PPFIA1: variants seen among roughly 807,000 people sequenced by gnomAD.
PPFIA1 encodes the protein liprin-alpha-1.
Under a neutral mutation model 149.9 loss-of-function variants are expected in PPFIA1, and 25 were observed. The ratio of observed to expected loss-of-function variants is 0.17; its 90% CI spans 0.12 to 0.23. PPFIA1 has a LOEUF of 0.23. PPFIA1 is among the 10% of genes least tolerant of loss of function. The pLI, the probability that PPFIA1 is intolerant of heterozygous loss-of-function variation, is 1.00. For synonymous variants in PPFIA1, 549 were observed against 552.8 expected (o/e 0.99, Z 0.10); for missense variants, 1,362 against 1,506.5 (o/e 0.90, Z 1.59).
chr11:70,278,978 A>T (rs761776272), intron 2 of PPFIA1: 40 of 598,710 alleles, frequency 6.7e-5, no homozygotes, highest in Non-Finnish European at 1.1e-4. Context: ...TGACACCTTT[A>T]CCAGCAATTG....
Position 70,362,502 on chromosome 11 carries a change from C to G in PPFIA1, c.2865+14C>G. The G allele has an allele frequency of 6.4e-7, 1 of 1,573,252 alleles. No homozygotes were observed. Among genetic ancestry groups the G allele is most frequent in the Non-Finnish European group, 8.6e-7 (1 of 1,157,654 alleles). On this transcript the variant is annotated intron_variant, in intron 21 of 27. Transcript: ENST00000253925. Reference sequence around the variant, plus strand: ...ACATCTAGAACGGTACGTTCAGAGACAACCCCTGCATTCTTTGGAAACAGG... The same window carrying G: ...ACATCTAGAACGGTACGTTCAGAGAGAACCCCTGCATTCTTTGGAAACAGG...
At chr11:70,273,201 C>T (rs897243762) in intron 2 of PPFIA1, among the ~76,000 whole-genome samples, 2 of 151,818 alleles carry the variant, frequency 1.3e-5, no homozygotes, top group African/African-American at 2.4e-5. Flanking sequence ...CACTTGAACC[C>T]GGGAGGTGGA....
chr11:70,271,393 C>T (rs1214271210), intron 1 of PPFIA1: 4 of 152,284 alleles, frequency 2.6e-5, no homozygotes, highest in African/African-American at 9.6e-5. Context: ...TCAGAAGCGA[C>T]TTCCCCTTTC....
intron 2 of PPFIA1, among the ~76,000 whole-genome samples, chr11:70,323,790 G>A (rs1422063014): frequency 6.6e-6 from 1 of 152,212 alleles, no homozygotes; most frequent in African/African-American, 2.4e-5. Context: ...ATTACCCACA[G>A]TAGGGATTCT....
At chr11:70,290,604 G>A (rs577177253) in intron 2 of PPFIA1, among the ~76,000 whole-genome samples, 1 of 152,200 alleles carries the variant, frequency 6.6e-6, no homozygotes, top group Non-Finnish European at 1.5e-5. Context: ...GGCAGGGGAG[G>A]TCCAACCATG....
chr11:70,272,467 T>G, intron 2 of PPFIA1, 31 bp downstream of exon 2: 3 of 1,553,016 alleles, frequency 1.9e-6, no homozygotes, highest in Non-Finnish European at 2.6e-6. Flanking sequence ...AAACTATAGA[T>G]TTTTCTCCAC....
intron 19 of PPFIA1, among the ~76,000 whole-genome samples, chr11:70,357,587 AT>A (rs879479086): frequency 0.14 from 19,628 of 142,196 alleles, 1,259 homozygotes; most frequent in Admixed American, 0.18. Flanking sequence ...CTGTGTAAGA[AT>A]TTTTTTTTTT....
chr11:70,354,507 G>A, intron 17 of PPFIA1, 55 bp downstream of exon 17: 1 of 1,526,632 alleles, frequency 6.6e-7, no homozygotes, highest in Non-Finnish European at 8.8e-7. Context: ...CGTTTCTGGT[G>A]TTGAGAAATC....
In PPFIA1 at chr11:70,354,343, A is replaced by G. The variant is rs769246589; in HGVS notation, c.2206A>G (p.Ile736Val). The G allele has an allele frequency of 5.0e-6, 8 of 1,614,116 alleles. No homozygotes were observed. The highest frequency in any genetic ancestry group is 6.8e-6 in the Non-Finnish European group (8 of 1,180,028). The change falls in exon 17 of 28, where the codon ATA (isoleucine) becomes GTA (valine). Residue 736 changes from isoleucine (I) to valine (V), a missense_variant. Coordinates refer to ENST00000253925, the MANE Select transcript of PPFIA1 (RefSeq NM_003626.5). Reference protein sequence around the residue: ...REEVRDDKTTIKCETSPPSSP... With the variant: ...REEVRDDKTTVKCETSPPSSP... The stretch of plus-strand genomic sequence containing the variant: ...AGAGGTACGAGATGACAAGACAACC[A>G]TAAAGTGTGAAACCTCCCCGCCTTC...
In PPFIA1 at chr11:70,376,590, G is replaced by A. The variant is rs995953384; in HGVS notation, c.3374G>A (p.Arg1125Lys). 28 of 1,612,964 alleles carry A rather than the reference G, an allele frequency of 1.7e-5. No homozygotes were observed. In the Admixed American group the frequency reaches 2.8e-4, roughly 16 times the overall value. Reference sequence around the variant, plus strand: ...CTTTTGGTCATGGGGACTGATAGAAGGTTTGATGAAGTAAGTTTTTGGCCT... The same window carrying A: ...CTTTTGGTCATGGGGACTGATAGAAAGTTTGATGAAGTAAGTTTTTGGCCT... ...NNLLVMGTDR[R>K]FDEDDDKSFR... is the part of the protein sequence containing the mutation. Residue 1125 changes from arginine to lysine, a missense_variant, in exon 25 of 28, where the codon AGG (arginine) becomes AAG (lysine). Arg to Lys is a conservative substitution (Grantham distance 26). Around this residue, in one of 7 missense-constraint regions of PPFIA1, gnomAD observed 349 missense variants for 373.3 expected, o/e 0.93. Coordinates refer to ENST00000253925, the MANE Select transcript of PPFIA1 (RefSeq NM_003626.5).
At chr11:70,365,853 C>T in intron 21 of PPFIA1, 1 of 429,388 alleles carries the variant, frequency 2.3e-6, no homozygotes, top group Non-Finnish European at 4.6e-6. Context: ...GAAGCTGCAT[C>T]TTCCCTGCAG....
At position 70,335,703 on chromosome 11, in the gene PPFIA1, G is replaced by T. The variant is rs1401229926; in HGVS notation, c.1428+9G>T. 1 of 1,613,512 alleles carries T rather than the reference G, an allele frequency of 6.2e-7. No homozygotes were observed. Among genetic ancestry groups the T allele is most frequent in the Non-Finnish European group, 8.5e-7 (1 of 1,179,676 alleles). ...CTGCTTTGGAAGATAAGGTAAGTTA[G>T]ATAACACGGACATGCTGGAGCTTTC... On this transcript the variant is annotated intron_variant, in intron 11 of 27. Coordinates refer to ENST00000253925, the MANE Select transcript of PPFIA1 (RefSeq NM_003626.5).
Position 70,343,734 on chromosome 11 carries a change from A to G in PPFIA1, c.1773A>G (p.Ala591=). The G allele has an allele frequency of 6.2e-7, 1 of 1,614,256 alleles. No homozygotes were observed. The highest frequency in any genetic ancestry group is 8.5e-7 in the Non-Finnish European group (1 of 1,180,044). ...AAGCTAGTGTCTTGGCAAATGTAGCACAAGCATTCGAGAGTGATGCTGACG... is the reference window on the plus strand; with the variant it reads ...AAGCTAGTGTCTTGGCAAATGTAGCGCAAGCATTCGAGAGTGATGCTGACG... The part of the protein sequence containing the change: ...AQQASVLANV[A]QAFESDADVS... Residue 591 remains alanine (A), a synonymous_variant, in exon 15 of 28, where the codon GCA becomes GCG. Coordinates refer to ENST00000253925, the MANE Select transcript of PPFIA1 (RefSeq NM_003626.5).
At chr11:70,320,462 G>A (rs1480810091) in intron 2 of PPFIA1, among the ~76,000 whole-genome samples, 5 of 139,628 alleles carry the variant, frequency 3.6e-5, no homozygotes, top group South Asian at 4.4e-4. Context: ...TTTTTGAGAC[G>A]CTCTCGTCAC....
intron 2 of PPFIA1, among the ~76,000 whole-genome samples, chr11:70,311,595 T>A (rs1187206828): frequency 6.6e-6 from 1 of 152,154 alleles, no homozygotes; most frequent in African/African-American, 2.4e-5. Flanking sequence ...TGGAAGGGGC[T>A]GCGGGACACC....
At chr11:70,298,058 C>G (rs991617013) in intron 2 of PPFIA1, among the ~76,000 whole-genome samples, 1 of 152,216 alleles carries the variant, frequency 6.6e-6, no homozygotes, top group Non-Finnish European at 1.5e-5. Context: ...CCATGTGATT[C>G]TCTCCTCTCT....
chr11:70,347,659 T>C (rs1434714072), intron 15 of PPFIA1, among the ~76,000 whole-genome samples: 2 of 152,136 alleles, frequency 1.3e-5, no homozygotes, highest in Non-Finnish European at 2.9e-5. Flanking sequence ...TGAGCTGTGA[T>C]CATGCTACTG....
intron 2 of PPFIA1, among the ~76,000 whole-genome samples, chr11:70,316,584 C>T (rs747777471): frequency 3.9e-5 from 6 of 152,102 alleles, no homozygotes; most frequent in Non-Finnish European, 5.9e-5. Context: ...CAGGCACCCA[C>T]GTGAGGTTGG....
In PPFIA1 at chr11:70,343,768, G is replaced by A. The variant is rs565971727; in HGVS notation, c.1807G>A (p.Gly603Ser). 5.8e-5 allele frequency: 93 copies of A among 1,614,194 alleles called. No homozygotes were observed. The South Asian group carries it at 9.7e-4, about 17-fold the overall frequency. ...AFESDADVSD[G>S]EDDRDTLLSS... Reference sequence around the variant, plus strand: ...CGAGAGTGATGCTGACGTGTCTGATGGTGAAGATGACAGGGACACTCTCCT... The same window carrying A: ...CGAGAGTGATGCTGACGTGTCTGATAGTGAAGATGACAGGGACACTCTCCT... The change falls in exon 15 of 28, where the codon GGT becomes AGT. Residue 603 changes from glycine to serine, a missense_variant. Gly to Ser is a moderately conservative substitution (Grantham distance 56). This residue lies in a region of PPFIA1 where 733 missense variants were observed against 744.1 expected (regional missense o/e 0.99). Transcript: ENST00000253925.
Sources: gnomAD v4.1 joint callset for allele counts (sites outside exome capture counted in the v4.1 genomes callset) on GRCh38, gnomAD v4.1.1 for gene constraint, gnomAD v4.1.1 regional missense constraint, MANE v1.5 for transcripts, NCBI Gene and HGNC (gene_info 2026-07-23, HGNC 2026-07-21) for gene names.